MYT1L: variants seen among roughly 807,000 people sequenced by gnomAD.
MYT1L encodes myelin transcription factor 1 like.
In MYT1L, 12 loss-of-function variants were observed where a neutral mutation model predicts 126.7. The ratio of observed to expected loss-of-function variants is 0.09; its 90% CI spans 0.06 to 0.15. MYT1L has a LOEUF of 0.15. Among genes scored for constraint, MYT1L ranks in the 10% least tolerant of loss-of-function variants. The pLI, the probability that MYT1L is intolerant of heterozygous loss-of-function variation, is 1.00. For missense variants in MYT1L, 979 were observed against 1,585.2 expected, an observed-to-expected ratio of 0.62 and a Z score of 6.49; for synonymous variants, 541 against 604.2, an observed-to-expected ratio of 0.90 and a Z score of 1.53.
At chr2:2,216,185 T>C (rs2148942975) in intron 2 of MYT1L, among the ~76,000 whole-genome samples, 1 of 152,308 alleles carries the variant, frequency 6.6e-6, no homozygotes, top group African/African-American at 2.4e-5. Context: ...CTTTTCTTTA[T>C]AAATTACCCA....
intron 2 of MYT1L, among the ~76,000 whole-genome samples, chr2:2,196,177 C>CA (rs1434983607): frequency 1.3e-5 from 2 of 151,224 alleles, no homozygotes; most frequent in African/African-American, 4.9e-5. Flanking sequence ...CATTTCTCAG[C>CA]AAAAAATGAT....
chr2:2,004,408 T>C (rs564388805), intron 4 of MYT1L, among the ~76,000 whole-genome samples: 39 of 150,546 alleles, frequency 2.6e-4, no homozygotes, highest in African/African-American at 9.3e-4. Context: ...CATGCGTTCT[T>C]TCCTGCATGC....
chr2:2,288,941 A>G (rs1286223816), intron 1 of MYT1L, among the ~76,000 whole-genome samples: 1 of 152,228 alleles, frequency 6.6e-6, no homozygotes. Flanking sequence ...AATAAAAGTT[A>G]TTTTCTCCAA....
intron 4 of MYT1L, among the ~76,000 whole-genome samples, chr2:2,015,266 G>A (rs1002101534): frequency 3.3e-5 from 5 of 152,234 alleles, no homozygotes; most frequent in East Asian, 1.9e-4. Context: ...TGGGCTCCAC[G>A]ATAATGATGG....
intron 2 of MYT1L, among the ~76,000 whole-genome samples, chr2:2,215,126 A>T (rs1278761089): frequency 6.6e-6 from 1 of 152,216 alleles, no homozygotes; most frequent in Non-Finnish European, 1.5e-5. Context: ...CAAATAATCT[A>T]AAGCAAGGCA....
intron 3 of MYT1L, among the ~76,000 whole-genome samples, chr2:2,116,753 T>G (rs1346109209): frequency 6.6e-6 from 1 of 152,142 alleles, no homozygotes; most frequent in Non-Finnish European, 1.5e-5. Flanking sequence ...TTGACCACCT[T>G]AGGACCACCA....
At chr2:2,260,497 A>G (rs1375878456) in intron 2 of MYT1L, among the ~76,000 whole-genome samples, 1 of 152,214 alleles carries the variant, frequency 6.6e-6, no homozygotes, top group Admixed American at 6.5e-5. Flanking sequence ...TTCTAGAACC[A>G]TTCATACTTC....
intron 9 of MYT1L, among the ~76,000 whole-genome samples, chr2:1,934,173 A>G (rs981137099): frequency 6.6e-6 from 1 of 151,116 alleles, no homozygotes; most frequent in Admixed American, 6.6e-5. Flanking sequence ...ACGGGGTTTC[A>G]TCGTGTTAGC....
intron 1 of MYT1L, among the ~76,000 whole-genome samples, chr2:2,317,528 G>A (rs539018441): frequency 6.6e-6 from 1 of 152,002 alleles, no homozygotes; most frequent in Non-Finnish European, 1.5e-5. Flanking sequence ...TCAATGCAGG[G>A]CTCCTTCATA....
intron 3 of MYT1L, among the ~76,000 whole-genome samples, chr2:2,169,471 A>T (rs985169779): frequency 1.3e-5 from 2 of 152,206 alleles, no homozygotes; most frequent in Non-Finnish European, 2.9e-5. Context: ...AAGATTTTTT[A>T]AAGTCCGAGG....
Position 1,883,416 on chromosome 2 carries a change from C to T in MYT1L, c.2711+3123G>A, listed in dbSNP as rs544392065. Among the ~76,000 whole-genome samples, 5 of 152,178 alleles carry T rather than the reference C, an allele frequency of 3.3e-5. No individual in the cohort carries two copies. The South Asian group carries it at 8.3e-4, about 25-fold the overall frequency. On this transcript the variant is annotated intron_variant, in intron 18 of 24. Transcript: ENST00000647738. ...GAAAATGAAAAAGAAAAAGAAAAGGCTGACCAGCTCTGATAGGTTTTGCAA... is the reference window on the plus strand; with the variant it reads ...GAAAATGAAAAAGAAAAAGAAAAGGTTGACCAGCTCTGATAGGTTTTGCAA...
intron 16 of MYT1L, among the ~76,000 whole-genome samples, chr2:1,888,846 T>C (rs1308947682): frequency 6.6e-6 from 1 of 152,194 alleles, no homozygotes. Flanking sequence ...GCTAGTTAAT[T>C]AATAGCACAT....
chr2:2,282,773 A>G (rs2095466883), intron 2 of MYT1L, among the ~76,000 whole-genome samples: 1 of 152,226 alleles, frequency 6.6e-6, no homozygotes, highest in African/African-American at 2.4e-5. Context: ...AAAATAAGGT[A>G]ACAGAAAAGT....
chr2:1,919,276 T>A (rs1206433924), intron 10 of MYT1L, among the ~76,000 whole-genome samples: 1 of 152,130 alleles, frequency 6.6e-6, no homozygotes, highest in Admixed American at 6.5e-5. Flanking sequence ...TGAGGTGGGG[T>A]CATGCTATTT....
intron 8 of MYT1L, among the ~76,000 whole-genome samples, chr2:1,950,364 T>A (rs150278945): frequency 6.6e-6 from 1 of 152,108 alleles, no homozygotes. Context: ...AGTGAATACA[T>A]TGCATGATTG....
intron 4 of MYT1L, among the ~76,000 whole-genome samples, chr2:2,049,726 A>C (rs1265810831): frequency 6.6e-6 from 1 of 152,148 alleles, no homozygotes; most frequent in Non-Finnish European, 1.5e-5. Flanking sequence ...GTAGTGAATA[A>C]GTCTCATGAG....
At chr2:1,989,383 G>T (rs1293603408) in intron 5 of MYT1L, among the ~76,000 whole-genome samples, 2 of 152,088 alleles carry the variant, frequency 1.3e-5, no homozygotes, top group African/African-American at 2.4e-5. Flanking sequence ...GAGAAACCCA[G>T]CCCAGGAGCT....
At chr2:2,219,431 C>T (rs536905024) in intron 2 of MYT1L, among the ~76,000 whole-genome samples, 121 of 152,306 alleles carry the variant, frequency 7.9e-4, no homozygotes, top group Admixed American at 3.8e-3. Context: ...AGTAACTTCT[C>T]TTAGAAGCAA....
At chr2:2,049,445 A>G (rs1370970993) in intron 4 of MYT1L, among the ~76,000 whole-genome samples, 1 of 152,236 alleles carries the variant, frequency 6.6e-6, no homozygotes, top group Non-Finnish European at 1.5e-5. Context: ...TTGGAAGTTA[A>G]AATGCCTACA....
Sources: allele counts gnomAD v4.1 joint callset (sites outside exome capture counted in the v4.1 genomes callset), GRCh38; gene constraint gnomAD v4.1.1; transcripts MANE v1.5; gene names NCBI Gene and HGNC (gene_info 2026-07-23, HGNC 2026-07-21).